Variants in GNAQ observed in about 807,000 individuals in gnomAD.
The protein encoded by GNAQ is guanine nucleotide-binding protein G(q) subunit alpha.
GNAQ carries 8 observed loss-of-function variants against 43.9 expected under a neutral mutation model. The ratio of observed to expected loss-of-function variants is 0.18; its 90% CI spans 0.11 to 0.33. GNAQ has a LOEUF of 0.33. Ranked by LOEUF, GNAQ falls within the 10% of genes least tolerant of loss-of-function variation. The pLI, the probability that GNAQ is intolerant of heterozygous loss-of-function variation, is 1.00. For synonymous variants in GNAQ, 155 were observed against 170.7 expected (o/e 0.91, Z 0.71); for missense variants, 158 against 450.8 (o/e 0.35, Z 5.88).
At chr9:77,731,349 C>G (rs893312893) in intron 5 of GNAQ, among the ~76,000 whole-genome samples, 1 of 152,162 alleles carries the variant, frequency 6.6e-6, no homozygotes, top group African/African-American at 2.4e-5. Flanking sequence ...CCAGAGACAA[C>G]TTGCCCAGGG....
At chr9:78,019,725 G>A (rs1157981108) in intron 1 of GNAQ, among the ~76,000 whole-genome samples, 3 of 151,848 alleles carry the variant, frequency 2.0e-5, no homozygotes, top group African/African-American at 7.3e-5. Flanking sequence ...GAGTTTGAGA[G>A]GAGCCTGACC....
At chr9:77,810,614 C>T (rs562020062) in intron 3 of GNAQ, among the ~76,000 whole-genome samples, 115 of 152,262 alleles carry the variant, frequency 7.6e-4, no homozygotes, top group African/African-American at 2.5e-3. Flanking sequence ...GACTTGAATG[C>T]CTTCGGCTCT....
At chr9:77,991,401 T>C (rs567893766) in intron 1 of GNAQ, among the ~76,000 whole-genome samples, 1 of 152,122 alleles carries the variant, frequency 6.6e-6, no homozygotes, top group Non-Finnish European at 1.5e-5. Context: ...GTTGGTCACG[T>C]TTCAACAATA....
At chr9:77,889,118 A>G (rs1306095579) in intron 2 of GNAQ, among the ~76,000 whole-genome samples, 1 of 152,066 alleles carries the variant, frequency 6.6e-6, no homozygotes, top group African/African-American at 2.4e-5. Context: ...TTTCAAAAAA[A>G]TTCCTTAATC....
At chr9:77,819,995 C>A (rs114246635) in intron 2 of GNAQ, among the ~76,000 whole-genome samples, 1,931 of 144,506 alleles carry the variant, frequency 0.013, 38 homozygotes, top group African/African-American at 0.045. Context: ...TGGAGGTAAT[C>A]ATAGCACTTA....
At chr9:77,932,916 G>A (rs925444065) in intron 1 of GNAQ, among the ~76,000 whole-genome samples, 2 of 152,132 alleles carry the variant, frequency 1.3e-5, no homozygotes, top group African/African-American at 4.8e-5. Context: ...GACAAGGGGA[G>A]GGATAGTTTG....
intron 1 of GNAQ, chr9:78,030,469 G>C (rs1453408300): frequency 8.5e-6 from 4 of 469,350 alleles, no homozygotes; most frequent in Middle Eastern, 3.2e-4. Flanking sequence ...CTCGCCCCCA[G>C]TACACAGACC....
intron 3 of GNAQ, among the ~76,000 whole-genome samples, chr9:77,810,925 C>T (rs146115648): frequency 2.0e-3 from 305 of 152,226 alleles, no homozygotes; most frequent in African/African-American, 6.8e-3. Flanking sequence ...ACTCTTGAGT[C>T]GGGTCTTAAA....
At chr9:77,868,794 AAAAC>A (rs1827990016) in intron 2 of GNAQ, among the ~76,000 whole-genome samples, 2 of 152,102 alleles carry the variant, frequency 1.3e-5, no homozygotes, top group South Asian at 2.1e-4. Flanking sequence ...ACTCCATCTC[AAAAC>A]AAACAAACAA....
intron 5 of GNAQ, among the ~76,000 whole-genome samples, chr9:77,738,422 A>AT (rs1014526998): frequency 1.3e-5 from 2 of 152,132 alleles, no homozygotes; most frequent in Admixed American, 6.6e-5. Context: ...AAATAATTCA[A>AT]TTTTTTTCTA....
intron 2 of GNAQ, among the ~76,000 whole-genome samples, chr9:77,886,989 G>T (rs867364418): frequency 1.3e-5 from 2 of 151,942 alleles, no homozygotes; most frequent in South Asian, 4.2e-4. Flanking sequence ...GGGCGTGGTG[G>T]CGGGTGCCTG....
intron 1 of GNAQ, among the ~76,000 whole-genome samples, chr9:77,984,609 T>A (rs1823410734): frequency 6.6e-6 from 1 of 152,228 alleles, no homozygotes; most frequent in South Asian, 2.1e-4. Context: ...TAGCTCCTTA[T>A]TGTCTTGAAA....
intron 1 of GNAQ, among the ~76,000 whole-genome samples, chr9:77,943,687 G>A (rs1158172685): frequency 1.6e-5 from 2 of 125,210 alleles, no homozygotes; most frequent in Non-Finnish European, 3.2e-5. Context: ...TTTTTGAGAC[G>A]ACGTCTTGCT....
chr9:77,951,704 G>A (rs1354236584), intron 1 of GNAQ, among the ~76,000 whole-genome samples: 1 of 152,138 alleles, frequency 6.6e-6, no homozygotes, highest in East Asian at 1.9e-4. Flanking sequence ...CTGCATAGAT[G>A]AGCTCCAAGG....
chr9:78,029,865 CA>C (rs1465500591), intron 1 of GNAQ, among the ~76,000 whole-genome samples: 1 of 152,168 alleles, frequency 6.6e-6, no homozygotes, highest in Non-Finnish European at 1.5e-5. Context: ...TGCAAATACC[CA>C]GAACACAAGT....
rs576457081 is a variant in GNAQ at position 77,948,516 on chromosome 9, A to G, written c.137-26171T>C. ...AGGACACGGATGAAGGAGGACACAGAGGGGGGGCAGATGACTGTGGGGTCC... is the reference window on the plus strand; with the variant it reads ...AGGACACGGATGAAGGAGGACACAGGGGGGGGGCAGATGACTGTGGGGTCC... On this transcript the variant is annotated intron_variant, in intron 1 of 6. Coordinates refer to ENST00000286548, the MANE Select transcript of GNAQ (RefSeq NM_002072.5). 2.0e-5 allele frequency among the ~76,000 whole-genome samples: 3 copies of G among 152,058 alleles called. No individual in the cohort carries two copies. In the South Asian group the frequency reaches 6.3e-4, roughly 32 times the overall value.
rs190764667 is a variant in GNAQ at position 77,928,979 on chromosome 9, T to C, written c.137-6634A>G. Reference sequence around the variant, plus strand: ...ATCACAGTGAGCTGAGATCGCATCATTGCACTTCATCCTGGGCAAGAGTGA... The same window carrying C: ...ATCACAGTGAGCTGAGATCGCATCACTGCACTTCATCCTGGGCAAGAGTGA... On this transcript the variant is annotated intron_variant, in intron 1 of 6. Coordinates refer to ENST00000286548, the MANE Select transcript of GNAQ (RefSeq NM_002072.5). 3.1e-4 allele frequency among the ~76,000 whole-genome samples: 47 copies of C among 152,272 alleles called. No individual in the cohort carries two copies. In the East Asian group the frequency reaches 5.6e-3, roughly 18 times the overall value.
At chr9:77,944,420 A>C (rs907643517) in intron 1 of GNAQ, among the ~76,000 whole-genome samples, 2 of 151,772 alleles carry the variant, frequency 1.3e-5, no homozygotes, top group African/African-American at 4.8e-5. Flanking sequence ...ACACTCAATC[A>C]TCCTTGCACC....
At chr9:77,829,397 CTCA>C (rs1827260523) in intron 2 of GNAQ, among the ~76,000 whole-genome samples, 1 of 152,178 alleles carries the variant, frequency 6.6e-6, no homozygotes, top group Non-Finnish European at 1.5e-5. Context: ...TAGTGTTAAG[CTCA>C]TCTTGCAATG....
Sources: gnomAD v4.1 joint callset for allele counts (sites outside exome capture counted in the v4.1 genomes callset) on GRCh38, gnomAD v4.1.1 for gene constraint, MANE v1.5 for transcripts, NCBI Gene and HGNC (gene_info 2026-07-23, HGNC 2026-07-21) for gene names.